The following ZC3H18 variants were observed in gnomAD, a reference collection of about 807,000 sequenced individuals.
The protein encoded by ZC3H18 is zinc finger CCCH domain-containing protein 18.
In ZC3H18, 8 loss-of-function variants were observed where a neutral mutation model predicts 106.1. The observed-to-expected ratio is 0.08, with a 90% CI of 0.04 to 0.14. ZC3H18 has a LOEUF of 0.14. ZC3H18 is among the 10% of genes least tolerant of loss of function. The pLI is 1.00. For missense variants in ZC3H18, 1,318 were observed against 1,278.4 expected (o/e 1.03, Z -0.47); for synonymous variants, 635 against 522.1 (o/e 1.22, Z -2.95).
At chr16:88,598,523 G>A (rs1391475397) in intron 4 of ZC3H18, 97 bp from the exon 5 acceptor site, 7 of 1,450,650 alleles carry the variant, frequency 4.8e-6, no homozygotes, top group Admixed American at 2.0e-5. Flanking sequence ...GGCCACACAC[G>A]GCCGGCTTGT....
At chr16:88,580,859 TA>T (rs1915085135) in intron 2 of ZC3H18, among the ~76,000 whole-genome samples, 1 of 152,192 alleles carries the variant, frequency 6.6e-6, no homozygotes, top group South Asian at 2.1e-4. Context: ...TGCTTTCAAG[TA>T]GAGCCCTGGT....
At chr16:88,619,727 G>C (rs1464576171) in intron 8 of ZC3H18, among the ~76,000 whole-genome samples, 1 of 152,130 alleles carries the variant, frequency 6.6e-6, no homozygotes, top group Non-Finnish European at 1.5e-5. Context: ...CCGCAGCTAG[G>C]ACTCCACATG....
intron 8 of ZC3H18, among the ~76,000 whole-genome samples, chr16:88,611,850 T>C (rs1905291294): frequency 6.6e-6 from 1 of 152,212 alleles, no homozygotes; most frequent in Non-Finnish European, 1.5e-5. Flanking sequence ...GCGCTGCCCT[T>C]GTATACCACG....
At chr16:88,598,450 C>A in intron 4 of ZC3H18, 124 bp downstream of exon 4, 1 of 1,488,088 alleles carries the variant, frequency 6.7e-7, no homozygotes, top group South Asian at 1.3e-5. Context: ...CTGCTTCTGT[C>A]GTCCCGAGTG....
At position 88,570,456 on chromosome 16, in the gene ZC3H18, G is replaced by C. The variant is rs1914314973; in HGVS notation, c.-125G>C. 2 of 151,760 alleles carry C rather than the reference G, an allele frequency of 1.3e-5. No homozygotes were observed. The highest frequency in any genetic ancestry group is 1.5e-5 in the Non-Finnish European group (1 of 67,922). The allele number at this position is 151,760 out of a possible 1,614,324, so 9.4% of individuals were successfully genotyped here. A position where few individuals can be genotyped will look rare whatever the true frequency, so the allele number is the denominator to read the frequency against. ...GTAGTGGAGCCCGTTTGTTCCGCCC[G>C]TGTCGAGCCTGGAGCCAGAACCTGT... On this transcript the variant is annotated 5_prime_UTR_variant, in exon 1 of 18. Transcript: ENST00000301011.
rs745849305 is a variant in ZC3H18 at position 88,624,040 on chromosome 16, G to A, written c.1876G>A (p.Ala626Thr). ...RPSIRTKGEP[A>T]PPPGKAGEKS... ...TTCCATCAGAACCAAGGGAGAGCCG[G>A]CCCCGCCGCCCGGGAAAGCAGGGTG... Residue 626 changes from alanine (A) to threonine (T), a missense_variant, in exon 11 of 18, where the codon GCC becomes ACC. By Grantham distance (58) the Ala-to-Thr change is moderately conservative. This residue lies in a region of ZC3H18 where 848 missense variants were observed against 821.7 expected (regional missense o/e 1.03). Transcript: ENST00000301011. The A allele has an allele frequency of 1.9e-6, 3 of 1,614,030 alleles. No individual in the cohort carries two copies. The highest frequency in any genetic ancestry group is 1.7e-6 in the Non-Finnish European group (2 of 1,179,944).
chr16:88,577,830 G>A, intron 2 of ZC3H18, 104 bp downstream of exon 2: 2 of 1,580,856 alleles, frequency 1.3e-6, no homozygotes, highest in Non-Finnish European at 1.7e-6. Context: ...TTAGTGATTT[G>A]TTACTAGGGA....
intron 10 of ZC3H18, 151 bp downstream of exon 10, chr16:88,623,495 G>T: frequency 9.5e-7 from 1 of 1,049,822 alleles, no homozygotes. Context: ...GTCGTGTCCT[G>T]TGTCCCCCAC....
intron 15 of ZC3H18, 26 bp downstream of exon 15, chr16:88,628,145 C>T: frequency 1.9e-6 from 3 of 1,608,004 alleles, no homozygotes; most frequent in Non-Finnish European, 1.7e-6. Context: ...CTCCTGGTGG[C>T]TGCCCCAGCG....
chr16:88,631,799 A>G lies in ZC3H18; in HGVS notation c.*500A>G, dbSNP rs951120056. ...TATTCTCGACTAAAGTCTCATCAGG[A>G]AATATTTCCTGTCTTTTATTTTAAG... On this transcript the variant is annotated 3_prime_UTR_variant, in exon 18 of 18. Transcript: ENST00000301011. 9.9e-6 allele frequency: 3 copies of G among 303,454 alleles called. No individual in the cohort carries two copies. The Admixed American group carries it at 1.5e-4, about 15-fold the overall frequency. 18.8% of individuals were successfully genotyped at this position (303,454 alleles called of 1,614,324 possible).
chr16:88,598,037 G>C (rs1481207151), intron 3 of ZC3H18, 141 bp from the exon 4 acceptor site: 114 of 516,180 alleles, frequency 2.2e-4, no homozygotes, highest in East Asian at 9.7e-4. Context: ...CCACCTCCCC[G>C]TTCAGTTCCC....
intron 1 of ZC3H18, chr16:88,571,786 C>A: frequency 1.6e-6 from 1 of 610,570 alleles, no homozygotes; most frequent in Non-Finnish European, 2.1e-6. Flanking sequence ...CACGCTTGGT[C>A]ACTTTGCACG....
Position 88,577,459 on chromosome 16 carries a change from T to C in ZC3H18, c.336T>C (p.Leu112=). 6.2e-7 allele frequency: 1 copy of C among 1,611,934 alleles called. No individual in the cohort carries two copies. The highest frequency in any genetic ancestry group is 8.5e-7 in the Non-Finnish European group (1 of 1,179,146). The change falls in exon 2 of 18, where the codon CTT becomes CTC. Residue 112 remains leucine (L), a synonymous_variant. Transcript: ENST00000301011. ...GGGAGGAAGACCGGACAAGCGACCT[T>C]AGGGATGAGGCCTCCTCAGTCACCA... ...DEGEEDRTSD[L]RDEASSVTRE...
chr16:88,611,837 T>C (rs1434770952), intron 8 of ZC3H18, among the ~76,000 whole-genome samples: 1 of 152,228 alleles, frequency 6.6e-6, no homozygotes, highest in African/African-American at 2.4e-5. Context: ...TGTGTTTTAA[T>C]AGGCGCTGCC....
At position 88,577,652 on chromosome 16, in the gene ZC3H18, A is replaced by G. The variant is rs780528176; in HGVS notation, c.529A>G (p.Lys177Glu). ...GGCTGGTGTTCAGAGTGTGGGAGAAAAGGAATCCCTGGAGGCTGCCAAGGA... is the reference window on the plus strand; with the variant it reads ...GGCTGGTGTTCAGAGTGTGGGAGAAGAGGAATCCCTGGAGGCTGCCAAGGA... ...GKAGVQSVGE[K>E]ESLEAAKEKK... Residue 177 changes from lysine (K) to glutamate (E), a missense_variant, in exon 2 of 18, where the codon AAG becomes GAG. Transcript: ENST00000301011. The G allele has an allele frequency of 5.0e-6, 8 of 1,613,944 alleles. No individual in the cohort carries two copies. The Admixed American group carries it at 8.3e-5, about 17-fold the overall frequency.
At chr16:88,588,458 A>G (rs1915561790) in intron 3 of ZC3H18, among the ~76,000 whole-genome samples, 2 of 152,244 alleles carry the variant, frequency 1.3e-5, no homozygotes, top group Admixed American at 1.3e-4. Context: ...CCAGAATTTA[A>G]CAACAGAAGC....
At chr16:88,590,703 G>T (rs1915700896) in intron 3 of ZC3H18, among the ~76,000 whole-genome samples, 1 of 151,044 alleles carries the variant, frequency 6.6e-6, no homozygotes, top group African/African-American at 2.4e-5. Flanking sequence ...GCGATTACAG[G>T]CATCTGCCAC....
chr16:88,627,593 G>A lies in ZC3H18; in HGVS notation c.2109-29G>A. 1.3e-6 allele frequency: 2 copies of A among 1,579,014 alleles called. No individual in the cohort carries two copies. Among genetic ancestry groups the A allele is most frequent in the Non-Finnish European group, 1.7e-6 (2 of 1,156,312 alleles). On this transcript the variant is annotated intron_variant, in intron 13 of 17. Coordinates refer to ENST00000301011, the MANE Select transcript of ZC3H18 (RefSeq NM_144604.4). The surrounding 1 kb of genome is among the most constrained non-coding windows in gnomAD (Gnocchi z 4.5). ...TGGCCCCTCCCTCCAGTCTGGCTGG[G>A]GTGTGGTGAGATGTGCTTGTGTGTC... is the stretch of plus-strand genomic sequence containing the variant.
intron 16 of ZC3H18, among the ~76,000 whole-genome samples, chr16:88,629,708 C>T (rs1377479924): frequency 6.6e-6 from 1 of 152,230 alleles, no homozygotes; most frequent in Non-Finnish European, 1.5e-5. Context: ...CGGGGACCCC[C>T]AGCCATGCTG....
Sources: gnomAD v4.1 joint callset for allele counts (sites outside exome capture counted in the v4.1 genomes callset) on GRCh38, gnomAD v4.1.1 for gene constraint, gnomAD v4.1.1 regional missense constraint, Gnocchi (gnomAD v3.1) non-coding constraint, MANE v1.5 for transcripts, NCBI Gene and HGNC (gene_info 2026-07-23, HGNC 2026-07-21) for gene names.